Variants in IL2RB observed in about 807,000 individuals in gnomAD.
IL2RB encodes interleukin-2 receptor subunit beta.
A neutral mutation model predicts 44.2 loss-of-function variants in IL2RB; 17 were observed. The ratio of observed to expected loss-of-function variants is 0.38; its 90% CI spans 0.26 to 0.58. The LOEUF is 0.58. Among genes scored for constraint, IL2RB ranks in the 20% least tolerant of loss-of-function variants. The probability of loss-of-function intolerance (pLI) is 0.63; values close to 1 mark genes in which losing one functional copy is unlikely to be tolerated. For synonymous variants in IL2RB, 286 were observed against 297.9 expected, an observed-to-expected ratio of 0.96 and a Z score of 0.41; for missense variants, 624 against 685.5, an observed-to-expected ratio of 0.91 and a Z score of 1.00.
chr22:37,138,106 C>G (rs935428147), intron 5 of IL2RB, among the ~76,000 whole-genome samples: 7 of 152,224 alleles, frequency 4.6e-5, no homozygotes, highest in Admixed American at 2.0e-4. Context: ...GGAAGATTAC[C>G]TGGCACTTGA....
Position 37,143,572 on chromosome 22 carries a change from T to G in IL2RB, c.152A>C (p.Asp51Ala). The change falls in exon 3 of 10, where the codon GAT becomes GCT. Residue 51 changes from aspartate (D) to alanine (A), a missense_variant. Physicochemically the swap from Asp to Ala is moderately radical, Grantham distance 126 (BLOSUM62 -2). Coordinates refer to ENST00000216223, the MANE Select transcript of IL2RB (RefSeq NM_000878.5). ...RANISCVWSQ[D>A]GALQDTSCQV... ...GCAGGAAGTGTCCTGCAGAGCCCCA[T>G]CTTGGCTCCAGACACAGGAGATGTT... is the stretch of plus-strand genomic sequence containing the variant. 1 of 1,614,026 alleles carries G rather than the reference T, an allele frequency of 6.2e-7. No individual in the cohort carries two copies. Among genetic ancestry groups the G allele is most frequent in the Non-Finnish European group, 8.5e-7 (1 of 1,179,966 alleles).
chr22:37,169,514 C>T (rs1923203668), intron 1 of IL2RB, among the ~76,000 whole-genome samples: 1 of 152,180 alleles, frequency 6.6e-6, no homozygotes, highest in South Asian at 2.1e-4. Flanking sequence ...TTCAGGGGCT[C>T]CCCACTGCCC....
chr22:37,169,178 G>A (rs963642311), intron 1 of IL2RB, among the ~76,000 whole-genome samples: 11 of 150,968 alleles, frequency 7.3e-5, no homozygotes, highest in African/African-American at 2.7e-4. Flanking sequence ...TACAGAGAGG[G>A]GTTCTTACTT....
At position 37,161,435 on chromosome 22, in the gene IL2RB, G is replaced by A. The variant is rs181681755; in HGVS notation, c.-34+13523C>T. ...TTTTAGGAGTCTCCTACCCTAACCA[G>A]TAAGCTGAAACTGCTTTTCCAGCCT... On this transcript the variant is annotated intron_variant, in intron 1 of 5. Transcript: ENST00000429622. Among the ~76,000 whole-genome samples, 76 of 152,260 alleles carry A rather than the reference G, an allele frequency of 5.0e-4. 1 individual carries two copies. The highest frequency in any genetic ancestry group is 6.8e-3 in the Middle Eastern group (2 of 294).
chr22:37,152,961 G>A (rs975210579), upstream of IL2RB, among the ~76,000 whole-genome samples: 1 of 112,112 alleles, frequency 8.9e-6, no homozygotes, highest in Admixed American at 1.2e-4. Flanking sequence ...TTGAGACATA[G>A]TCTAGCTCTG....
chr22:37,154,504 C>T (rs1045279167), upstream of IL2RB, among the ~76,000 whole-genome samples: 1 of 151,844 alleles, frequency 6.6e-6, no homozygotes, highest in African/African-American at 2.4e-5. Flanking sequence ...ATTTATTCTA[C>T]TTCTAGGCCT....
intron 1 of IL2RB, among the ~76,000 whole-genome samples, chr22:37,161,002 A>G (rs1357763503): frequency 1.3e-5 from 2 of 152,210 alleles, no homozygotes; most frequent in African/African-American, 2.4e-5. Flanking sequence ...TTAGCTGGGC[A>G]TGGTGGCACA....
chr22:37,171,174 G>C (rs1185554636), intron 1 of IL2RB, among the ~76,000 whole-genome samples: 4 of 152,118 alleles, frequency 2.6e-5, no homozygotes, highest in East Asian at 3.8e-4. Context: ...GTAAAGACAG[G>C]GTTTCACCAT....
Position 37,136,253 on chromosome 22 carries a change from G to T in IL2RB, c.678C>A (p.Pro226=). The T allele has an allele frequency of 6.2e-7, 1 of 1,611,850 alleles. No individual in the cohort carries two copies. Among genetic ancestry groups the T allele is most frequent in the Non-Finnish European group, 8.5e-7 (1 of 1,179,550 alleles). The stretch of plus-strand genomic sequence containing the variant: ...CTGCAGGCTTTGTCCTGAAGGCCAG[G>T]GGCTGGCTCCAGGGGCTCCAGGTCG... ...EFTTWSPWSQ[P]LAFRTKPAAL... The change falls in exon 7 of 10, where the codon CCC becomes CCA. Residue 226 remains proline, a synonymous_variant. Transcript: ENST00000216223.
At chr22:37,170,112 G>T (rs1323165776) in intron 1 of IL2RB, among the ~76,000 whole-genome samples, 5 of 151,920 alleles carry the variant, frequency 3.3e-5, no homozygotes, top group African/African-American at 1.2e-4. Context: ...ATGGATGGAT[G>T]GATGGATGGA....
chr22:37,152,867 G>A (rs1601608177), upstream of IL2RB, among the ~76,000 whole-genome samples: 1 of 150,892 alleles, frequency 6.6e-6, no homozygotes, highest in South Asian at 2.1e-4. Context: ...AGAAGCAGCA[G>A]CTCTGCTTCT....
chr22:37,135,499 C>A lies in IL2RB; in HGVS notation c.704-57G>T, dbSNP rs979243200. ...GGGGTTAGAGAAGTGCCCTCACTCA[C>A]CCTGGGTCGGTCACCCCAACACCCC... On this transcript the variant is annotated intron_variant, in intron 7 of 9. Transcript: ENST00000216223. The A allele has an allele frequency of 4.3e-6, 5 of 1,164,370 alleles. No individual in the cohort carries two copies. The Admixed American group carries it at 6.9e-5, about 16-fold the overall frequency. The allele number at this position is 1,164,370 out of a possible 1,614,324, so 72.1% of individuals were successfully genotyped here. A position where few individuals can be genotyped will look rare whatever the true frequency, so the allele number is the denominator to read the frequency against.
chr22:37,171,198 G>A (rs529138498), intron 1 of IL2RB, among the ~76,000 whole-genome samples: 1 of 152,284 alleles, frequency 6.6e-6, no homozygotes, highest in South Asian at 2.1e-4. Context: ...GGCCAGGCTG[G>A]TCTCAAACTC....
rs185969164 is a variant in IL2RB, at chr22:37,128,504, G to A, written c.1248C>T (p.Asp416=). 41 of 1,609,650 alleles carry A rather than the reference G, an allele frequency of 2.5e-5. No individual in the cohort carries two copies. Among genetic ancestry groups the A allele is most frequent in the Middle Eastern group, 1.7e-4 (1 of 6,040 alleles). The change falls in exon 10 of 10, where the codon GAC becomes GAT. Residue 416 remains aspartate (D), a synonymous_variant. Coordinates refer to ENST00000216223, the MANE Select transcript of IL2RB (RefSeq NM_000878.5). This position sits in a 1 kb window ranked among gnomAD's most constrained non-coding sequence, Gnocchi z 4.5. ...QPLQPLSGED[D]AYCTFPSRDD... is the part of the protein sequence containing the mutation. ...CCCTGGAGGGGAAGGTGCAGTAGGC[G>A]TCGTCCTCCCCTGACAGAGGCTGCA...
Position 37,127,571 on chromosome 22 carries a change from C to G in IL2RB, c.*525G>C, listed in dbSNP as rs1921179890. ...CCACACGACACCGGAGGTACAAGTA[C>G]CAGGCTGAGAAGTGGGGCTGAGGGC... On this transcript the variant is annotated 3_prime_UTR_variant, in exon 10 of 10. Coordinates refer to ENST00000216223, the MANE Select transcript of IL2RB (RefSeq NM_000878.5). 6.6e-6 allele frequency: 1 copy of G among 152,396 alleles called. No homozygotes were observed. The highest frequency in any genetic ancestry group is 1.9e-4 in the East Asian group (1 of 5,196). The allele number at this position is 152,396 out of a possible 1,614,324, so 9.4% of individuals were successfully genotyped here.
At chr22:37,146,567 C>T (rs1382652268) in intron 1 of IL2RB, among the ~76,000 whole-genome samples, 1 of 152,240 alleles carries the variant, frequency 6.6e-6, no homozygotes, top group Non-Finnish European at 1.5e-5. Flanking sequence ...TCCTTCAAGC[C>T]CATTTCAAAC....
At chr22:37,166,559 C>G (rs541012279) in intron 1 of IL2RB, among the ~76,000 whole-genome samples, 2 of 152,228 alleles carry the variant, frequency 1.3e-5, no homozygotes, top group Admixed American at 6.5e-5. Context: ...ATCCACGACA[C>G]CTTCTCCCCC....
At chr22:37,164,387 GT>G (rs1341013553) in intron 1 of IL2RB, among the ~76,000 whole-genome samples, 13 of 149,902 alleles carry the variant, frequency 8.7e-5, no homozygotes, top group African/African-American at 3.2e-4. Flanking sequence ...CAGGCCTGTG[GT>G]TTGAGCCCAG....
chr22:37,132,537 C>T lies in IL2RB; in HGVS notation c.819-69G>A, dbSNP rs1379898159. On this transcript the variant is annotated intron_variant, in intron 8 of 9. Coordinates refer to ENST00000216223, the MANE Select transcript of IL2RB (RefSeq NM_000878.5). ...GGACCGCGGTGTTATGCCATCGGCA[C>T]CACAGCTCTGGATGCCAGGCACGGA... 14 of 1,104,880 alleles carry T rather than the reference C, an allele frequency of 1.3e-5. No homozygotes were observed. In the East Asian group the frequency reaches 3.4e-4, roughly 27 times the overall value. 68.4% of individuals were successfully genotyped at this position (1,104,880 alleles called of 1,614,324 possible).
Sources: gnomAD v4.1 joint callset for allele counts (sites outside exome capture counted in the v4.1 genomes callset) on GRCh38, gnomAD v4.1.1 for gene constraint, Gnocchi (gnomAD v3.1) non-coding constraint, MANE v1.5 for transcripts, NCBI Gene and HGNC (gene_info 2026-07-23, HGNC 2026-07-21) for gene names.